The following FOXP4 variants were observed in gnomAD, a reference collection of about 807,000 sequenced individuals.
FOXP4 encodes forkhead box protein P4.
Under a neutral mutation model 82.6 loss-of-function variants are expected in FOXP4, and 25 were observed. The ratio of observed to expected loss-of-function variants is 0.30; its 90% CI spans 0.22 to 0.42. FOXP4 has a LOEUF of 0.42. FOXP4 is among the 10% of genes least tolerant of loss of function. FOXP4 has a pLI of 1.00. For missense variants in FOXP4, 785 were observed against 900.9 expected, an observed-to-expected ratio of 0.87 and a Z score of 1.65; for synonymous variants, 415 against 388.2, an observed-to-expected ratio of 1.07 and a Z score of -0.81.
chr6:41,566,945 T>C (rs1314903390), intron 2 of FOXP4, among the ~76,000 whole-genome samples: 2 of 152,180 alleles, frequency 1.3e-5, no homozygotes, highest in Non-Finnish European at 2.9e-5. Flanking sequence ...GGCCCTGCTG[T>C]CTCTCCCAAG....
chr6:41,600,220 GA>G lies in FOXP4; in HGVS notation c.*1287del, dbSNP rs1767141860. 6.6e-6 allele frequency: 1 copy of G among 152,640 alleles called. No individual in the cohort carries two copies. Among genetic ancestry groups the G allele is most frequent in the South Asian group, 2.1e-4 (1 of 4,830 alleles). 9.5% of individuals were successfully genotyped at this position (152,640 alleles called of 1,614,324 possible). A position where few individuals can be genotyped will look rare whatever the true frequency, so the allele number is the denominator to read the frequency against. ...CCTGGGGGAAGGAGAAAGGAGGGGA[GA>G]AAGCGGGCTCTCACCCCCTCAGGAG... On this transcript the variant is annotated 3_prime_UTR_variant, in exon 17 of 17. Coordinates refer to ENST00000307972, the MANE Select transcript of FOXP4 (RefSeq NM_001012426.2).
At position 41,591,124 on chromosome 6, in the gene FOXP4, G is replaced by T. The variant is rs1766489443; in HGVS notation, c.1435-97G>T. The T allele has an allele frequency of 5.2e-6, 5 of 964,634 alleles. No individual in the cohort carries two copies. In the South Asian group the frequency reaches 7.0e-5, roughly 14 times the overall value. 59.8% of individuals were successfully genotyped at this position (964,634 alleles called of 1,614,324 possible). ...AGGTCTTCTCACAAAGTGAACTCGGGGCTAGGCAGAAGGGAGAGGTACTGG... is the reference window on the plus strand; with the variant it reads ...AGGTCTTCTCACAAAGTGAACTCGGTGCTAGGCAGAAGGGAGAGGTACTGG... On this transcript the variant is annotated intron_variant, in intron 12 of 16. Transcript: ENST00000307972. This position sits in a 1 kb window ranked among gnomAD's most constrained non-coding sequence, Gnocchi z 4.2.
intron 1 of FOXP4, 114 bp downstream of exon 1, chr6:41,546,981 C>T (rs1763663745): frequency 6.6e-6 from 1 of 151,436 alleles, no homozygotes; most frequent in Admixed American, 6.6e-5. Context: ...TGTTTGCAAA[C>T]TGCCCGCCCG....
Position 41,594,916 on chromosome 6 carries a change from TGGA to T in FOXP4, c.1585_1587del (p.Glu529del). On this transcript the variant is annotated inframe_deletion, in exon 14 of 17. Transcript: ENST00000307972. ...AGCCTGCACAAGTGCTTCGTCCGCG[TGGA>T]GAACGTCAAGGGTGCCGTGTGGACT... 6.2e-7 allele frequency: 1 copy of T among 1,614,126 alleles called. No homozygotes were observed. Among genetic ancestry groups the T allele is most frequent in the Non-Finnish European group, 8.5e-7 (1 of 1,180,032 alleles).
At chr6:41,577,900 C>T (rs1414702279) in intron 2 of FOXP4, 86 bp from the exon 3 acceptor site, 3 of 958,086 alleles carry the variant, frequency 3.1e-6, no homozygotes, top group Non-Finnish European at 4.8e-6. Context: ...CCCTGATCTC[C>T]TTCTCCTTAC....
In FOXP4 at chr6:41,589,803, G is replaced by A. The variant is rs951046741; in HGVS notation, c.1098G>A (p.Met366Ile). 1.4e-5 allele frequency: 23 copies of A among 1,611,020 alleles called. No homozygotes were observed. Among genetic ancestry groups the A allele is most frequent in the Non-Finnish European group, 1.7e-6 (2 of 1,179,932 alleles). ...LAKESERLQA[M>I]MAHLHMRPSE... is the part of the protein sequence containing the mutation. Reference sequence around the variant, plus strand: ...AGGAGAGCGAGCGGCTGCAGGCCATGATGGCCCACCTGCACATGCGGCCCT... The same window carrying A: ...AGGAGAGCGAGCGGCTGCAGGCCATAATGGCCCACCTGCACATGCGGCCCT... The change falls in exon 10 of 17, where the codon ATG becomes ATA. Residue 366 changes from methionine (M) to isoleucine (I), a missense_variant. Physicochemically the swap from Met to Ile is conservative, Grantham distance 10. Coordinates refer to ENST00000307972, the MANE Select transcript of FOXP4 (RefSeq NM_001012426.2).
intron 1 of FOXP4, among the ~76,000 whole-genome samples, chr6:41,562,958 C>T (rs998150979): frequency 1.3e-5 from 2 of 152,184 alleles, no homozygotes; most frequent in South Asian, 2.1e-4. Flanking sequence ...ATCATTTCAC[C>T]GCCACTAGCC....
chr6:41,555,385 G>T (rs1764219608), intron 1 of FOXP4, among the ~76,000 whole-genome samples: 1 of 152,200 alleles, frequency 6.6e-6, no homozygotes, highest in South Asian at 2.1e-4. Context: ...CCCTGCCAGG[G>T]TGAGCCCCTC....
intron 8 of FOXP4, 145 bp from the exon 9 acceptor site, chr6:41,588,499 C>T: frequency 1.3e-6 from 1 of 764,414 alleles, no homozygotes; most frequent in African/African-American, 1.7e-5. Context: ...CCTCCATTGC[C>T]CCGTTTTTCC....
chr6:41,594,858 C>T lies in FOXP4; in HGVS notation c.1537-12C>T. The stretch of plus-strand genomic sequence containing the variant: ...CAAGCCGCCTCTGAGCTCCTCTTCA[C>T]TGCACCCACAGAACGCCGTGCGCCA... On this transcript the variant is annotated splice_polypyrimidine_tract_variant and intron_variant, in intron 13 of 16. Coordinates refer to ENST00000307972, the MANE Select transcript of FOXP4 (RefSeq NM_001012426.2). 2 of 1,613,840 alleles carry T rather than the reference C, an allele frequency of 1.2e-6. No individual in the cohort carries two copies. The highest frequency in any genetic ancestry group is 2.2e-5 in the South Asian group (2 of 91,084).
chr6:41,584,838 C>A lies in FOXP4; in HGVS notation c.370C>A (p.Pro124Thr). 1.2e-6 allele frequency: 2 copies of A among 1,610,166 alleles called. No individual in the cohort carries two copies. The highest frequency in any genetic ancestry group is 1.7e-6 in the Non-Finnish European group (2 of 1,178,452). ...GCAACAGATGCAGCAGATCCTGTCG[C>A]CCCCGCAGCTGCAGGCCTTGCTCCA... The part of the protein sequence containing the change: ...TPQQMQQILS[P>T]PQLQALLQQQ... The change falls in exon 4 of 17, where the codon CCC (proline) becomes ACC (threonine). Residue 124 changes from proline to threonine, a missense_variant. By Grantham distance (38) the Pro-to-Thr change is conservative (BLOSUM62 -1). Around this residue, in one of 3 missense-constraint regions of FOXP4, gnomAD observed 570 missense variants for 634.0 expected, o/e 0.90. Transcript: ENST00000307972.
intron 3 of FOXP4, among the ~76,000 whole-genome samples, 200 bp downstream of exon 3, chr6:41,578,281 G>T (rs1432942803): frequency 6.6e-6 from 1 of 152,220 alleles, no homozygotes; most frequent in African/African-American, 2.4e-5. Flanking sequence ...TGATCAGCCA[G>T]ACCTTCCGCT....
In FOXP4 at chr6:41,598,761, T is replaced by C. The variant is rs753261625; in HGVS notation, c.1896-28T>C. 13 of 1,550,426 alleles carry C rather than the reference T, an allele frequency of 8.4e-6. No individual in the cohort carries two copies. The Admixed American group carries it at 2.5e-4, about 30-fold the overall frequency. On this transcript the variant is annotated intron_variant, in intron 16 of 16. Coordinates refer to ENST00000307972, the MANE Select transcript of FOXP4 (RefSeq NM_001012426.2). The stretch of plus-strand genomic sequence containing the variant: ...CAGAGGGCATCAGAGGACAGCCGCC[T>C]GGTGCCCATGCCATACTTTTGCCTC...
At position 41,546,564 on chromosome 6, in the gene FOXP4, G is replaced by T; in HGVS notation, c.-320G>T. On this transcript the variant is annotated 5_prime_UTR_variant, in exon 1 of 17. Transcript: ENST00000307972. ...CCGGAACCAGGGCTGGGCCGGGGGC[G>T]GGGACGCCGGGGTCCGGGAGCCCGG... 1 of 148,484 alleles carries T rather than the reference G, an allele frequency of 6.7e-6. No individual in the cohort carries two copies. Among genetic ancestry groups the T allele is most frequent in the South Asian group, 1.8e-4 (1 of 5,634 alleles). The allele number at this position is 148,484 out of a possible 1,614,324, so 9.2% of individuals were successfully genotyped here.
Position 41,599,052 on chromosome 6 carries a change from C to G in FOXP4, c.*116C>G, listed in dbSNP as rs751896753. 7.4e-7 allele frequency: 1 copy of G among 1,356,436 alleles called. No individual in the cohort carries two copies. Among genetic ancestry groups the G allele is most frequent in the Non-Finnish European group, 9.8e-7 (1 of 1,017,346 alleles). 84.0% of individuals were successfully genotyped at this position (1,356,436 alleles called of 1,614,324 possible). Reference sequence around the variant, plus strand: ...CTCAAGGCAAGTCCAGGACTCAGACCGGGGAGGCCCGGGCCAGCAGCTCCC... The same window carrying G: ...CTCAAGGCAAGTCCAGGACTCAGACGGGGGAGGCCCGGGCCAGCAGCTCCC... On this transcript the variant is annotated 3_prime_UTR_variant, in exon 17 of 17. Coordinates refer to ENST00000307972, the MANE Select transcript of FOXP4 (RefSeq NM_001012426.2).
At chr6:41,585,612 G>A (rs1185709713) in intron 5 of FOXP4, 95 bp downstream of exon 5, 9 of 1,178,546 alleles carry the variant, frequency 7.6e-6, no homozygotes, top group Non-Finnish European at 1.1e-5. Context: ...TGCAGGAATA[G>A]TAGAAAAATC....
At chr6:41,547,499 C>A (rs1169625008) in intron 1 of FOXP4, 1 of 152,380 alleles carries the variant, frequency 6.6e-6, no homozygotes, top group African/African-American at 2.4e-5. Context: ...ACTTGTCTTG[C>A]TGAGGTCGCA....
rs1766647563 is a variant in FOXP4, at chr6:41,593,684, A to C, written c.1537-1186A>C. Reference sequence around the variant, plus strand: ...TTAGGCCCTTTGTAATTATCGCTCCAAGAGATTCCACTCCAGCCGCCCGCC... The same window carrying C: ...TTAGGCCCTTTGTAATTATCGCTCCCAGAGATTCCACTCCAGCCGCCCGCC... On this transcript the variant is annotated intron_variant, in intron 13 of 16. Coordinates refer to ENST00000307972, the MANE Select transcript of FOXP4 (RefSeq NM_001012426.2). The surrounding 1 kb of genome is among the most constrained non-coding windows in gnomAD (Gnocchi z 4.1). Among the ~76,000 whole-genome samples the C allele has an allele frequency of 6.6e-6, 1 of 152,210 alleles. No individual in the cohort carries two copies. The highest frequency in any genetic ancestry group is 2.1e-4 in the South Asian group (1 of 4,836).
At chr6:41,550,451 T>C (rs761914178) in intron 1 of FOXP4, among the ~76,000 whole-genome samples, 13 of 152,194 alleles carry the variant, frequency 8.5e-5, no homozygotes, top group Non-Finnish European at 1.5e-4. Flanking sequence ...TTAATCTTCA[T>C]TTTATGGGTT....
Sources: allele counts gnomAD v4.1 joint callset (sites outside exome capture counted in the v4.1 genomes callset), GRCh38; gene constraint gnomAD v4.1.1; regional missense constraint gnomAD v4.1.1; non-coding constraint Gnocchi (gnomAD v3.1); transcripts MANE v1.5; gene names NCBI Gene and HGNC (gene_info 2026-07-23, HGNC 2026-07-21).